ZNF502: variants seen among roughly 807,000 people sequenced by gnomAD.
ZNF502 encodes zinc finger protein 502.
In ZNF502, 29 loss-of-function variants were observed where a neutral mutation model predicts 43.6. That is an observed-to-expected ratio of 0.67 (90% CI 0.50 to 0.91). The LOEUF (loss-of-function observed/expected upper bound fraction) is 0.91. Among genes scored for constraint, ZNF502 ranks in the 40% least tolerant of loss-of-function variants. The pLI, the probability that ZNF502 is intolerant of heterozygous loss-of-function variation, is 0.00. For synonymous variants in ZNF502, 171 were observed against 207.4 expected, an observed-to-expected ratio of 0.82 and a Z score of 1.51; for missense variants, 591 against 647.2, an observed-to-expected ratio of 0.91 and a Z score of 0.94.
chr3:44,713,922 C>T (rs139827998), intron 1 of ZNF502, among the ~76,000 whole-genome samples: 2,552 of 152,238 alleles, frequency 0.017, 47 homozygotes, highest in African/African-American at 0.039. Context: ...ACAGAGAGAA[C>T]AGAAAACTTG....
At chr3:44,720,781 T>C in intron 2 of ZNF502, 92 bp from the exon 3 acceptor site, 1 of 1,441,504 alleles carries the variant, frequency 6.9e-7, no homozygotes, top group Non-Finnish European at 9.3e-7. Context: ...CATAGGCCAT[T>C]ACTGAGGTCT....
rs1461119782 is a variant in ZNF502 at position 44,722,370 on chromosome 3, C to A, written c.1553C>A (p.Pro518His). 6.2e-7 allele frequency: 1 copy of A among 1,614,094 alleles called. No homozygotes were observed. The highest frequency in any genetic ancestry group is 1.3e-5 in the African/African-American group (1 of 74,940). Residue 518 changes from proline to histidine, a missense_variant, in exon 3 of 3, where the codon CCT becomes CAT. Physicochemically the swap from Pro to His is moderately conservative, Grantham distance 77. Transcript: ENST00000436624. ...EHYRIHTGEK[P>H]YECIECGKFF... ...TACAGAATTCACACTGGTGAGAAGC[C>A]TTATGAGTGTATTGAGTGTGGAAAG...
chr3:44,713,781 T>C (rs944756950), intron 1 of ZNF502, among the ~76,000 whole-genome samples: 3 of 148,952 alleles, frequency 2.0e-5, no homozygotes, highest in Non-Finnish European at 4.4e-5. Flanking sequence ...GGTTTCACAG[T>C]GTTGGTCAGG....
In ZNF502 at chr3:44,722,432, A is replaced by G. The variant is rs1474177456; in HGVS notation, c.1615A>G (p.Lys539Glu). ...TAGTTCAGTCCTTTTCAGACATCAG[A>G]AACTTCACAGTGGTGACTAATGCTG... is the stretch of plus-strand genomic sequence containing the variant. ...RHSSVLFRHQ[K>E]LHSGD is the part of the protein sequence containing the mutation. Residue 539 changes from lysine to glutamate, a missense_variant, in exon 3 of 3, where the codon AAA becomes GAA. Lys to Glu is a moderately conservative substitution (Grantham distance 56, BLOSUM62 1). Coordinates refer to ENST00000436624, the MANE Select transcript of ZNF502 (RefSeq NM_001134442.3). The G allele has an allele frequency of 1.2e-6, 2 of 1,612,480 alleles. No individual in the cohort carries two copies. The highest frequency in any genetic ancestry group is 2.2e-5 in the South Asian group (2 of 91,004).
In ZNF502 at chr3:44,722,263, T is replaced by C. The variant is rs867676959; in HGVS notation, c.1446T>C (p.His482=). ...ATAGCTCATCTCTTACTGAACATCATAGAACTCACACTGGTGAGAAGCTCT... is the reference window on the plus strand; with the variant it reads ...ATAGCTCATCTCTTACTGAACATCACAGAACTCACACTGGTGAGAAGCTCT... The part of the protein sequence containing the change: ...FAHSSSLTEH[H]RTHTGEKLYK... Residue 482 remains histidine, a synonymous_variant, in exon 3 of 3, where the codon CAT becomes CAC. Transcript: ENST00000436624. 1.2e-6 allele frequency: 2 copies of C among 1,613,930 alleles called. No homozygotes were observed. Among genetic ancestry groups the C allele is most frequent in the African/African-American group, 1.3e-5 (1 of 74,888 alleles).
intron 1 of ZNF502, among the ~76,000 whole-genome samples, chr3:44,712,982 A>G (rs1363621367): frequency 6.6e-6 from 1 of 152,212 alleles, no homozygotes; most frequent in Non-Finnish European, 1.5e-5. Flanking sequence ...GCCTAGGAAA[A>G]TGGCGGAGTG....
rs17076937 is a variant in ZNF502 at position 44,716,023 on chromosome 3, A to G, written c.-60+3283A>G. Among the ~76,000 whole-genome samples the G allele has an allele frequency of 9.2e-3, 1,406 of 152,182 alleles. 23 individuals are homozygous for G. The highest frequency in any genetic ancestry group is 0.031 in the African/African-American group (1,282 of 41,522). On this transcript the variant is annotated intron_variant, in intron 1 of 2. Transcript: ENST00000436624. ...ATTTTCACCAACTAGAAGTACCATA[A>G]TTTGCTAATCCTCAGTGTCCACCAG...
chr3:44,721,074 T>A lies in ZNF502; in HGVS notation c.257T>A (p.Ile86Lys). 6.2e-7 allele frequency: 1 copy of A among 1,614,098 alleles called. No homozygotes were observed. The change falls in exon 3 of 3, where the codon ATA becomes AAA. Residue 86 changes from isoleucine (I) to lysine (K), a missense_variant. By Grantham distance (102) the Ile-to-Lys change is moderately radical. Coordinates refer to ENST00000436624, the MANE Select transcript of ZNF502 (RefSeq NM_001134442.3). ...TTCCAGGAAGGAGGTTTTGGGAGAATAACTTTCATCCACAAAGAAGCACCC... is the reference window on the plus strand; with the variant it reads ...TTCCAGGAAGGAGGTTTTGGGAGAAAAACTTTCATCCACAAAGAAGCACCC... ...CLFQEGGFGRITFIHKEAPPE... is the reference protein window; with the variant it reads ...CLFQEGGFGRKTFIHKEAPPE...
rs779128934 is a variant in ZNF502, at chr3:44,721,276, A to G, written c.459A>G (p.Lys153=). 6.2e-7 allele frequency: 1 copy of G among 1,614,048 alleles called. No homozygotes were observed. The highest frequency in any genetic ancestry group is 8.5e-7 in the Non-Finnish European group (1 of 1,180,016). ...GTCCAACTCTCTGCACACAGAAAAA[A>G]TCTTGGAAATGTAATGAATGTGGAA... ...SKCPTLCTQK[K]SWKCNECGKT... is the part of the protein sequence containing the mutation. Residue 153 remains lysine (K), a synonymous_variant, in exon 3 of 3, where the codon AAA becomes AAG. Transcript: ENST00000436624.
chr3:44,716,063 T>C (rs888374488), intron 1 of ZNF502, among the ~76,000 whole-genome samples: 10 of 152,190 alleles, frequency 6.6e-5, no homozygotes, highest in Admixed American at 1.3e-4. Context: ...AAAACTTTTA[T>C]TTCCATGTAC....
Position 44,722,251 on chromosome 3 carries a change from T to C in ZNF502, c.1434T>C (p.Leu478=), listed in dbSNP as rs1575544410. 6.2e-7 allele frequency: 1 copy of C among 1,614,240 alleles called. No individual in the cohort carries two copies. The highest frequency in any genetic ancestry group is 8.5e-7 in the Non-Finnish European group (1 of 1,180,044). Residue 478 remains leucine (L), a synonymous_variant, in exon 3 of 3, where the codon CTT becomes CTC. Coordinates refer to ENST00000436624, the MANE Select transcript of ZNF502 (RefSeq NM_001134442.3). ...CGKAFAHSSS[L]TEHHRTHTGE... is the part of the protein sequence containing the mutation. ...AAGCCTTTGCTCATAGCTCATCTCTTACTGAACATCATAGAACTCACACTG... is the reference window on the plus strand; with the variant it reads ...AAGCCTTTGCTCATAGCTCATCTCTCACTGAACATCATAGAACTCACACTG...
At chr3:44,720,060 TGCGGATGC>T in intron 1 of ZNF502, 135 bp from the exon 2 acceptor site, 1 of 607,194 alleles carries the variant, frequency 1.6e-6, no homozygotes, top group Admixed American at 2.7e-5. Context: ...TGCTGATTTT[TGCGGATGC>T]TTCCACATTG....
intron 1 of ZNF502, among the ~76,000 whole-genome samples, chr3:44,713,335 A>T: frequency 6.6e-6 from 1 of 152,216 alleles, no homozygotes; most frequent in East Asian, 1.9e-4. Flanking sequence ...ACTATCCATT[A>T]TATGCCAAAC....
chr3:44,717,505 G>A (rs768288556), intron 1 of ZNF502, among the ~76,000 whole-genome samples: 7 of 148,166 alleles, frequency 4.7e-5, no homozygotes, highest in Admixed American at 1.4e-4. Flanking sequence ...TCCGCCTCCC[G>A]GGTACAAGGG....
Position 44,723,175 on chromosome 3 carries a change from T to C in ZNF502, c.*723T>C, listed in dbSNP as rs1337959980. The C allele has an allele frequency of 6.6e-6, 1 of 152,178 alleles. No individual in the cohort carries two copies. The highest frequency in any genetic ancestry group is 1.5e-5 in the Non-Finnish European group (1 of 68,038). The allele number at this position is 152,178 out of a possible 1,614,324, so 9.4% of individuals were successfully genotyped here. On this transcript the variant is annotated 3_prime_UTR_variant, in exon 3 of 3. Coordinates refer to ENST00000436624, the MANE Select transcript of ZNF502 (RefSeq NM_001134442.3). ...TAGGAGACCAAGTTAGAATTCATGA[T>C]ACTGGTTTATGGGGAGGCAGTCATA...
chr3:44,717,401 C>A (rs1704173204), intron 1 of ZNF502, among the ~76,000 whole-genome samples: 1 of 140,636 alleles, frequency 7.1e-6, no homozygotes, highest in Admixed American at 7.5e-5. Context: ...TGAAGTGATG[C>A]AATCTTTTTT....
rs764333082 is a variant in ZNF502, at chr3:44,721,777, A to G, written c.960A>G (p.Glu320=). The change falls in exon 3 of 3, where the codon GAA becomes GAG. Residue 320 remains glutamate, a synonymous_variant. Coordinates refer to ENST00000436624, the MANE Select transcript of ZNF502 (RefSeq NM_001134442.3). The part of the protein sequence containing the change: ...LTQHQRIHTG[E]KPHKCDECGK... ...AACATCAGAGAATTCACACTGGGGA[A>G]AAACCCCATAAATGTGACGAATGTG... 4 of 1,613,782 alleles carry G rather than the reference A, an allele frequency of 2.5e-6. No homozygotes were observed. The highest frequency in any genetic ancestry group is 1.3e-5 in the African/African-American group (1 of 74,904).
rs1704361592 is a variant in ZNF502, at chr3:44,721,991, AC to A, written c.1178del (p.Pro393HisfsTer62). ...ATGTGGCAAAGCGTTTACTCAGAGCACCCCACTCACTAAACATCAGAGAATA... is the reference window on the plus strand; with the variant it reads ...ATGTGGCAAAGCGTTTACTCAGAGCACCCACTCACTAAACATCAGAGAATA... The part of the protein sequence containing the change: ...KECGKAFTQS[T>X]PLTKHQRIHT... On this transcript the variant is annotated frameshift_variant, in exon 3 of 3. Coordinates refer to ENST00000436624, the MANE Select transcript of ZNF502 (RefSeq NM_001134442.3). LOFTEE classifies it high-confidence loss of function. The A allele has an allele frequency of 6.2e-7, 1 of 1,614,166 alleles. No homozygotes were observed. The highest frequency in any genetic ancestry group is 8.5e-7 in the Non-Finnish European group (1 of 1,180,026).
intron 1 of ZNF502, among the ~76,000 whole-genome samples, chr3:44,717,592 G>C (rs1359504366): frequency 6.6e-6 from 1 of 151,520 alleles, no homozygotes; most frequent in Non-Finnish European, 1.5e-5. Flanking sequence ...TGTATTTTTA[G>C]TAGAGACAGG....
Sources: allele counts gnomAD v4.1 joint callset (sites outside exome capture counted in the v4.1 genomes callset), GRCh38; gene constraint gnomAD v4.1.1; transcripts MANE v1.5; gene names NCBI Gene and HGNC (gene_info 2026-07-23, HGNC 2026-07-21).